The following KDM4C variants were observed in gnomAD, a reference collection of about 807,000 sequenced individuals.
The protein encoded by KDM4C is lysine demethylase 4C.
In KDM4C, 81 loss-of-function variants were observed where a neutral mutation model predicts 129.3. That is an observed-to-expected ratio of 0.63 (90% CI 0.52 to 0.75). The LOEUF is 0.75. Among genes scored for constraint, KDM4C ranks in the 30% least tolerant of loss-of-function variants. The pLI is 0.00. For synonymous variants in KDM4C, 573 were observed against 456.1 expected (o/e 1.26, Z -3.26); for missense variants, 1,457 against 1,304.0 (o/e 1.12, Z -1.81).
intron 6 of KDM4C, among the ~76,000 whole-genome samples, chr9:6,882,930 G>C (rs370382091): frequency 2.6e-4 from 39 of 152,270 alleles, no homozygotes; most frequent in East Asian, 5.8e-4. Context: ...GGTAGATAAA[G>C]GTCAATGGGT....
At chr9:6,920,238 G>C (rs1821230910) in intron 8 of KDM4C, among the ~76,000 whole-genome samples, 2 of 152,140 alleles carry the variant, frequency 1.3e-5, no homozygotes, top group African/African-American at 2.4e-5. Flanking sequence ...CTCAGGATCA[G>C]TTGTGCCATG....
chr9:6,818,611 C>T (rs773841839), intron 4 of KDM4C, among the ~76,000 whole-genome samples: 4 of 152,200 alleles, frequency 2.6e-5, no homozygotes, highest in Admixed American at 6.5e-5. Context: ...GTGTGGGTCC[C>T]GTATCTTTAT....
chr9:6,729,072 G>C (rs1325184313), intron 1 of KDM4C, among the ~76,000 whole-genome samples: 1 of 151,132 alleles, frequency 6.6e-6, no homozygotes, highest in African/African-American at 2.4e-5. Context: ...GGGTGAGGTG[G>C]TGGGTGTCTG....
At chr9:6,854,547 A>AC (rs1307499839) in intron 5 of KDM4C, among the ~76,000 whole-genome samples, 1 of 135,426 alleles carries the variant, frequency 7.4e-6, no homozygotes, top group South Asian at 2.2e-4. Context: ...AAAAAAAAAC[A>AC]AAAAAAAAAC....
At chr9:6,736,946 G>A (rs995806435) in intron 1 of KDM4C, among the ~76,000 whole-genome samples, 2 of 151,264 alleles carry the variant, frequency 1.3e-5, no homozygotes, top group African/African-American at 4.9e-5. Flanking sequence ...AGATACTTGG[G>A]AGGCGGAGGC....
At chr9:6,819,845 T>C (rs34089676) in intron 4 of KDM4C, among the ~76,000 whole-genome samples, 1 of 152,244 alleles carries the variant, frequency 6.6e-6, no homozygotes, top group South Asian at 2.1e-4. Context: ...CTTTATATTG[T>C]TTAATTCTTT....
chr9:6,942,677 G>A (rs1227765267), intron 8 of KDM4C: 3 of 152,088 alleles, frequency 2.0e-5, no homozygotes, highest in Admixed American at 6.6e-5. Flanking sequence ...TTAGGGCTGT[G>A]GATTCTGTAA....
chr9:7,010,199 A>C (rs997812197), intron 12 of KDM4C, among the ~76,000 whole-genome samples: 1 of 152,202 alleles, frequency 6.6e-6, no homozygotes, highest in African/African-American at 2.4e-5. Context: ...GAAACAGGTT[A>C]CATTTAGAGT....
At chr9:6,769,551 G>C (rs1177722423) in intron 1 of KDM4C, among the ~76,000 whole-genome samples, 1 of 152,118 alleles carries the variant, frequency 6.6e-6, no homozygotes, top group Non-Finnish European at 1.5e-5. Flanking sequence ...TAACATCACA[G>C]AGAACTTTTA....
chr9:6,986,906 T>C (rs1450037173), intron 11 of KDM4C: 2 of 426,180 alleles, frequency 4.7e-6, no homozygotes, highest in Admixed American at 3.9e-5. Context: ...TTTTCTTTTT[T>C]TTGTTAAAAA....
chr9:6,993,671 G>A (rs1819165208), intron 12 of KDM4C, among the ~76,000 whole-genome samples: 1 of 152,204 alleles, frequency 6.6e-6, no homozygotes, highest in South Asian at 2.1e-4. Flanking sequence ...ACTTAGGGGA[G>A]AGGGCAATGC....
Position 6,984,282 on chromosome 9 carries a change from A to T in KDM4C, c.1232A>T (p.Lys411Met). ...PNPDSVTDDL[K>M]VSEKSEAAVK... ...CCCGACTCAGTCACAGATGACCTCA[A>T]GGTCAGTGAAAAGTCAGAAGCAGCA... The change falls in exon 10 of 22, where the codon AAG (lysine) becomes ATG (methionine). Residue 411 changes from lysine (K) to methionine (M), a missense_variant. Lys to Met is a moderately conservative substitution (Grantham distance 95). Coordinates refer to ENST00000381309, the MANE Select transcript of KDM4C (RefSeq NM_015061.6). The T allele has an allele frequency of 6.2e-7, 1 of 1,614,024 alleles. No individual in the cohort carries two copies. The highest frequency in any genetic ancestry group is 1.3e-5 in the African/African-American group (1 of 75,046).
chr9:6,868,068 A>G (rs113839744), intron 5 of KDM4C, among the ~76,000 whole-genome samples: 67 of 152,266 alleles, frequency 4.4e-4, no homozygotes, highest in Admixed American at 2.0e-3. Context: ...AACATAAGGC[A>G]GAGCTGATAT....
At chr9:6,783,498 G>C (rs1360260106) in intron 1 of KDM4C, among the ~76,000 whole-genome samples, 1 of 152,172 alleles carries the variant, frequency 6.6e-6, no homozygotes, top group Non-Finnish European at 1.5e-5. Flanking sequence ...AGGTGTATTG[G>C]GAAGGACAGT....
At chr9:6,864,110 T>C (rs1841488637) in intron 5 of KDM4C, among the ~76,000 whole-genome samples, 1 of 152,254 alleles carries the variant, frequency 6.6e-6, no homozygotes, top group Non-Finnish European at 1.5e-5. Context: ...AATGTTTTCT[T>C]CTTGCATGTT....
chr9:7,174,667 G>C lies in KDM4C; in HGVS notation c.3109G>C (p.Asp1037His). 6.2e-7 allele frequency: 1 copy of C among 1,614,092 alleles called. No individual in the cohort carries two copies. Among genetic ancestry groups the C allele is most frequent in the Non-Finnish European group, 8.5e-7 (1 of 1,179,934 alleles). The change falls in exon 22 of 22, where the codon GAC (aspartate) becomes CAC (histidine). Residue 1037 changes from aspartate to histidine, a missense_variant. Asp to His is a moderately conservative substitution (Grantham distance 81). Coordinates refer to ENST00000381309, the MANE Select transcript of KDM4C (RefSeq NM_015061.6). ...SSRFKNEYVA[D>H]PVYRTFLKSS... is the part of the protein sequence containing the mutation. ...CAGGTTTAAGAATGAATATGTGGCC[G>C]ACCCTGTATACCGCACTTTTTTGAA...
chr9:6,935,338 A>C (rs1824570287), intron 8 of KDM4C, among the ~76,000 whole-genome samples: 1 of 140,168 alleles, frequency 7.1e-6, no homozygotes, highest in Admixed American at 7.0e-5. Context: ...GTAATTTTCA[A>C]ATGTTTGATT....
chr9:6,835,787 T>G (rs1423000070), intron 4 of KDM4C, among the ~76,000 whole-genome samples: 1 of 152,224 alleles, frequency 6.6e-6, no homozygotes, highest in Non-Finnish European at 1.5e-5. Flanking sequence ...GCAGTGTGGC[T>G]GAGGACTCTA....
At chr9:6,964,316 A>C (rs1005892538) in intron 8 of KDM4C, among the ~76,000 whole-genome samples, 9 of 147,828 alleles carry the variant, frequency 6.1e-5, no homozygotes, top group Admixed American at 2.0e-4. Context: ...TTCAATTCCC[A>C]CCTATGAGTG....
Sources: allele counts gnomAD v4.1 joint callset (sites outside exome capture counted in the v4.1 genomes callset), GRCh38; gene constraint gnomAD v4.1.1; transcripts MANE v1.5; gene names NCBI Gene and HGNC (gene_info 2026-07-23, HGNC 2026-07-21).